SLC24A1: variants seen among roughly 807,000 people sequenced by gnomAD.
SLC24A1 encodes sodium/potassium/calcium exchanger 1.
A neutral mutation model predicts 88.1 loss-of-function variants in SLC24A1; 52 were observed. The ratio of observed to expected loss-of-function variants is 0.59; its 90% CI spans 0.47 to 0.74. SLC24A1 has a LOEUF of 0.74. Among genes scored for constraint, SLC24A1 ranks in the 30% least tolerant of loss-of-function variants. SLC24A1 has a pLI of 0.00. For missense variants in SLC24A1, 1,173 were observed against 1,363.3 expected, an observed-to-expected ratio of 0.86 and a Z score of 2.20; for synonymous variants, 455 against 498.0, an observed-to-expected ratio of 0.91 and a Z score of 1.15.
chr15:65,635,446 CAA>C (rs56960432), intron 2 of SLC24A1, among the ~76,000 whole-genome samples: 18 of 58,356 alleles, frequency 3.1e-4, no homozygotes, highest in Admixed American at 2.6e-4. Flanking sequence ...ACTCCGTCTC[CAA>C]AAAAAAAAAA....
At chr15:65,644,676 C>T (rs574026065) in intron 5 of SLC24A1, among the ~76,000 whole-genome samples, 163 bp downstream of exon 5, 115 of 152,304 alleles carry the variant, frequency 7.6e-4, no homozygotes, top group Non-Finnish European at 1.5e-3. Flanking sequence ...TTGCCCTGAT[C>T]GCCGCTCCAC....
chr15:65,654,375 A>AT lies in SLC24A1; in HGVS notation c.*297dup. ...GGAGCCAGAGGGTTTTCTAAATGAGATAACTGGGGGCAAAGGTTGGGATAG... is the reference window on the plus strand; with the variant it reads ...GGAGCCAGAGGGTTTTCTAAATGAGATTAACTGGGGGCAAAGGTTGGGATAG... On this transcript the variant is annotated 3_prime_UTR_variant, in exon 10 of 10. Coordinates refer to ENST00000261892, the MANE Select transcript of SLC24A1 (RefSeq NM_004727.3). 1 of 1,201,312 alleles carries AT rather than the reference A, an allele frequency of 8.3e-7. No individual in the cohort carries two copies. Among genetic ancestry groups the AT allele is most frequent in the Non-Finnish European group, 1.0e-6 (1 of 963,550 alleles). 74.4% of individuals were successfully genotyped at this position (1,201,312 alleles called of 1,614,324 possible).
In SLC24A1 at chr15:65,654,541, CCTT is replaced by C. The variant is rs1355243893; in HGVS notation, c.*463_*465del. On this transcript the variant is annotated 3_prime_UTR_variant, in exon 10 of 10. Transcript: ENST00000261892. ...AACACACGCTGCAATTTTGTCTCCT[CCTT>C]TTCTGTTCAAATTGTGAGGTTCTAT... 1.7e-6 allele frequency: 2 copies of C among 1,186,814 alleles called. No homozygotes were observed. Among genetic ancestry groups the C allele is most frequent in the East Asian group, 6.3e-5 (1 of 15,952 alleles). 73.5% of individuals were successfully genotyped at this position (1,186,814 alleles called of 1,614,324 possible). A position where few individuals can be genotyped will look rare whatever the true frequency, so the allele number is the denominator to read the frequency against.
chr15:65,627,991 T>G (rs1012111985), intron 2 of SLC24A1, among the ~76,000 whole-genome samples: 14 of 152,180 alleles, frequency 9.2e-5, no homozygotes, highest in Non-Finnish European at 2.1e-4. Flanking sequence ...GACAGGGTCT[T>G]GTTCTGTTGC....
At position 65,655,557 on chromosome 15, in the gene SLC24A1, G is replaced by A. The variant is rs1375811141; in HGVS notation, c.*1478G>A. On this transcript the variant is annotated 3_prime_UTR_variant, in exon 10 of 10. Transcript: ENST00000261892. ...TTACTAGAATCAAGTTAAGGGACACGTTAGAAATAGAACAGCTTAATATCA... is the reference window on the plus strand; with the variant it reads ...TTACTAGAATCAAGTTAAGGGACACATTAGAAATAGAACAGCTTAATATCA... The A allele has an allele frequency of 6.3e-5, 62 of 985,240 alleles. No individual in the cohort carries two copies. Among genetic ancestry groups the A allele is most frequent in the Middle Eastern group, 5.2e-4 (1 of 1,936 alleles). The allele number at this position is 985,240 out of a possible 1,614,324, so 61.0% of individuals were successfully genotyped here.
chr15:65,624,692 A>G lies in SLC24A1; in HGVS notation c.612A>G (p.Thr204=). Residue 204 remains threonine, a synonymous_variant, in exon 2 of 10, where the codon ACA becomes ACG. Transcript: ENST00000261892. The part of the protein sequence containing the change: ...GRRVGTYVPS[T]FMTMETSHAI... ...GAGTAGGCACTTACGTGCCGTCCAC[A>G]TTCATGACAATGGAAACAAGCCATG... is the stretch of plus-strand genomic sequence containing the variant. 6.2e-7 allele frequency: 1 copy of G among 1,607,424 alleles called. No homozygotes were observed. The highest frequency in any genetic ancestry group is 8.5e-7 in the Non-Finnish European group (1 of 1,176,696).
At chr15:65,628,929 T>A (rs1487627116) in intron 2 of SLC24A1, among the ~76,000 whole-genome samples, 1 of 152,192 alleles carries the variant, frequency 6.6e-6, no homozygotes, top group Non-Finnish European at 1.5e-5. Flanking sequence ...GTAAAGTGAA[T>A]GGATGAGCTA....
intron 4 of SLC24A1, chr15:65,642,775 C>CT: frequency 3.0e-6 from 1 of 337,026 alleles, no homozygotes; most frequent in Non-Finnish European, 5.8e-6. Context: ...GCTGAACTAA[C>CT]TGAGAGTTTA....
Position 65,650,511 on chromosome 15 carries a change from C to T in SLC24A1, c.2362C>T (p.Gln788Ter). 6.4e-7 allele frequency: 1 copy of T among 1,550,970 alleles called. No individual in the cohort carries two copies. The highest frequency in any genetic ancestry group is 8.7e-7 in the Non-Finnish European group (1 of 1,146,844). The change falls in exon 7 of 10, where the codon CAA becomes TAA. Residue 788 changes from glutamine to a stop codon, truncating the protein, a stop_gained. Transcript: ENST00000261892. LOFTEE classifies it high-confidence loss of function. The surrounding 1 kb of genome is among the most constrained non-coding windows in gnomAD (Gnocchi z 4.1). ...QPEGEGETET[Q>*]GKGEECEDEN... Reference sequence around the variant, plus strand: ...AGAAGGTGAAGGTGAAACTGAAACACAAGGAAAAGGAGAAGAATGTGAAGA... The same window carrying T: ...AGAAGGTGAAGGTGAAACTGAAACATAAGGAAAAGGAGAAGAATGTGAAGA...
At position 65,654,867 on chromosome 15, in the gene SLC24A1, G is replaced by C; in HGVS notation, c.*788G>C. On this transcript the variant is annotated 3_prime_UTR_variant, in exon 10 of 10. Coordinates refer to ENST00000261892, the MANE Select transcript of SLC24A1 (RefSeq NM_004727.3). Reference sequence around the variant, plus strand: ...CCCGCCTCGGCCTCCCAAAGTGCTGGGATTACAGGCGTCAGCCACCGCGCC... The same window carrying C: ...CCCGCCTCGGCCTCCCAAAGTGCTGCGATTACAGGCGTCAGCCACCGCGCC... 8.7e-7 allele frequency: 1 copy of C among 1,154,434 alleles called. No homozygotes were observed. The highest frequency in any genetic ancestry group is 1.1e-6 in the Non-Finnish European group (1 of 911,924). 71.5% of individuals were successfully genotyped at this position (1,154,434 alleles called of 1,614,324 possible). A position where few individuals can be genotyped will look rare whatever the true frequency, so the allele number is the denominator to read the frequency against.
chr15:65,615,324 C>A (rs2074102355), intron 2 of SLC24A1, among the ~76,000 whole-genome samples: 1 of 152,200 alleles, frequency 6.6e-6, no homozygotes, highest in South Asian at 2.1e-4. Flanking sequence ...TTAGTGGCAT[C>A]TTTCAATGAA....
chr15:65,638,239 A>G (rs1251481892), intron 3 of SLC24A1, 58 bp downstream of exon 3: 28 of 1,211,520 alleles, frequency 2.3e-5, no homozygotes, highest in African/African-American at 1.0e-4. Context: ...GTGGATGATC[A>G]CAGGCCCAGG....
Position 65,650,566 on chromosome 15 carries a change from A to G in SLC24A1, c.2417A>G (p.Asn806Ser), listed in dbSNP as rs1393504574. ...DENEAEGKGD[N>S]EGEDEGEIHA... ...AATGAAGCAGAAGGAAAAGGAGACA[A>G]TGAAGGTGAAGATGAGGGTGAAATC... Residue 806 changes from asparagine (N) to serine (S), a missense_variant, in exon 7 of 10, where the codon AAT becomes AGT. Transcript: ENST00000261892. The surrounding 1 kb of genome is among the most constrained non-coding windows in gnomAD (Gnocchi z 4.1). 5.8e-6 allele frequency: 9 copies of G among 1,551,868 alleles called. No homozygotes were observed. In the Admixed American group the frequency reaches 1.6e-4, roughly 27 times the overall value.
chr15:65,625,882 A>T lies in SLC24A1; in HGVS notation c.1802A>T (p.Lys601Met). 6.2e-7 allele frequency: 1 copy of T among 1,614,016 alleles called. No homozygotes were observed. The highest frequency in any genetic ancestry group is 8.5e-7 in the Non-Finnish European group (1 of 1,179,894). The change falls in exon 2 of 10, where the codon AAG (lysine) becomes ATG (methionine). Residue 601 changes from lysine to methionine, a missense_variant. Transcript: ENST00000261892. ...LAYAFYVFTM[K>M]WNKHIEVWVK... ...TATGCCTTCTATGTGTTCACCATGA[A>T]GTGGAACAAGCATATCGAGGTCTGG...
intron 6 of SLC24A1, among the ~76,000 whole-genome samples, chr15:65,649,001 G>A (rs976527522): frequency 6.6e-6 from 1 of 152,208 alleles, no homozygotes; most frequent in African/African-American, 2.4e-5. Context: ...TGGTCTAAAG[G>A]TGGATGTTTT....
chr15:65,638,013 G>C, intron 2 of SLC24A1, 115 bp from the exon 3 acceptor site: 1 of 743,306 alleles, frequency 1.3e-6, no homozygotes, highest in South Asian at 1.5e-5. Flanking sequence ...CTGAGACCAG[G>C]TTATCTCGGA....
At position 65,655,192 on chromosome 15, in the gene SLC24A1, G is replaced by A. The variant is rs2075640162; in HGVS notation, c.*1113G>A. 1.4e-5 allele frequency: 14 copies of A among 986,982 alleles called. No individual in the cohort carries two copies. The South Asian group carries it at 5.6e-4, about 39-fold the overall frequency. The allele number at this position is 986,982 out of a possible 1,614,324, so 61.1% of individuals were successfully genotyped here. ...GTTCTCACCCAACAATGACAGTTGA[G>A]TGGAGTGGGAAGGGAAGTCATTCTA... On this transcript the variant is annotated 3_prime_UTR_variant, in exon 10 of 10. Transcript: ENST00000261892.
chr15:65,657,269 T>C (rs2075712266), downstream of SLC24A1, among the ~76,000 whole-genome samples: 1 of 152,242 alleles, frequency 6.6e-6, no homozygotes, highest in Non-Finnish European at 1.5e-5. Flanking sequence ...TATAGCTGTC[T>C]ATATCAATAT....
In SLC24A1 at chr15:65,650,594, C is replaced by T. The variant is rs185027365; in HGVS notation, c.2445C>T (p.His815=). 1.4e-3 allele frequency: 2,153 copies of T among 1,551,438 alleles called. 2 individuals carry two copies. Among genetic ancestry groups the T allele is most frequent in the Admixed American group, 2.4e-3 (123 of 50,960 alleles). The change falls in exon 7 of 10, where the codon CAC becomes CAT. Residue 815 remains histidine, a synonymous_variant. Coordinates refer to ENST00000261892, the MANE Select transcript of SLC24A1 (RefSeq NM_004727.3). This position sits in a 1 kb window ranked among gnomAD's most constrained non-coding sequence, Gnocchi z 4.1. ...AAGGTGAAGATGAGGGTGAAATCCA[C>T]GCAGAAGATGGTGAAATGAAAGGTA... ...DNEGEDEGEI[H]AEDGEMKGNE...
Sources: gnomAD v4.1 joint callset for allele counts (sites outside exome capture counted in the v4.1 genomes callset) on GRCh38, gnomAD v4.1.1 for gene constraint, Gnocchi (gnomAD v3.1) non-coding constraint, MANE v1.5 for transcripts, NCBI Gene and HGNC (gene_info 2026-07-23, HGNC 2026-07-21) for gene names.